The following SH3GL2 variants were observed in gnomAD, a reference collection of about 807,000 sequenced individuals.
SH3GL2 encodes SH3 domain containing GRB2 like 2, endophilin A1, also known as endophilin-A1.
In SH3GL2, 24 loss-of-function variants were observed where a neutral mutation model predicts 46.0. That is an observed-to-expected ratio of 0.52 (90% CI 0.38 to 0.73). The LOEUF (loss-of-function observed/expected upper bound fraction) is 0.73. Ranked by LOEUF, SH3GL2 falls within the 30% of genes least tolerant of loss-of-function variation. SH3GL2 has a pLI of 0.00. For synonymous variants in SH3GL2, 196 were observed against 147.1 expected, an observed-to-expected ratio of 1.33 and a Z score of -2.40; for missense variants, 413 against 424.2, an observed-to-expected ratio of 0.97 and a Z score of 0.23.
At chr9:17,643,239 G>A (rs987801916) in intron 1 of SH3GL2, among the ~76,000 whole-genome samples, 3 of 152,178 alleles carry the variant, frequency 2.0e-5, no homozygotes, top group African/African-American at 4.8e-5. Context: ...CATTGATTTT[G>A]TACCCTGAGA....
chr9:17,741,170 A>G (rs1365248312), intron 1 of SH3GL2, among the ~76,000 whole-genome samples: 1 of 152,154 alleles, frequency 6.6e-6, no homozygotes, highest in Non-Finnish European at 1.5e-5. Flanking sequence ...TGTTAATTAA[A>G]GTAATTCTGT....
intron 1 of SH3GL2, among the ~76,000 whole-genome samples, chr9:17,673,070 G>C (rs1199205326): frequency 6.6e-6 from 1 of 152,020 alleles, no homozygotes; most frequent in Non-Finnish European, 1.5e-5. Flanking sequence ...GCCATGGTCT[G>C]TCAATTCTGC....
chr9:17,778,296 G>C (rs1275062936), intron 3 of SH3GL2, among the ~76,000 whole-genome samples: 1 of 152,152 alleles, frequency 6.6e-6, no homozygotes, highest in Non-Finnish European at 1.5e-5. Flanking sequence ...ATGTATGAGT[G>C]AATGAGGCAG....
At chr9:17,658,367 C>T (rs1169160863) in intron 1 of SH3GL2, among the ~76,000 whole-genome samples, 2 of 152,114 alleles carry the variant, frequency 1.3e-5, no homozygotes, top group African/African-American at 4.8e-5. Context: ...TGATTTCTTC[C>T]AGGGACATAT....
In SH3GL2 at chr9:17,604,166, A is replaced by G. The variant is rs761895382; in HGVS notation, c.45+24879A>G. ...GAAAACTGGGTCTCAGAAGTGAGGTATTTACCCCCTCCTGCGTGGGCTTCT... is the reference window on the plus strand; with the variant it reads ...GAAAACTGGGTCTCAGAAGTGAGGTGTTTACCCCCTCCTGCGTGGGCTTCT... On this transcript the variant is annotated intron_variant, in intron 1 of 8. Transcript: ENST00000380607. Among the ~76,000 whole-genome samples the G allele has an allele frequency of 2.6e-4, 40 of 152,062 alleles. 2 individuals carry two copies. Among genetic ancestry groups the G allele is most frequent in the Admixed American group, 6.6e-5 (1 of 15,248 alleles).
chr9:17,631,038 T>C (rs1415292495), intron 1 of SH3GL2, among the ~76,000 whole-genome samples: 1 of 151,870 alleles, frequency 6.6e-6, no homozygotes, highest in Non-Finnish European at 1.5e-5. Flanking sequence ...TTTGATAGCA[T>C]TAAAAATGTC....
chr9:17,768,081 C>G (rs1823367709), intron 3 of SH3GL2, among the ~76,000 whole-genome samples: 1 of 152,074 alleles, frequency 6.6e-6, no homozygotes, highest in African/African-American at 2.4e-5. Context: ...TTAAAAGATT[C>G]TTAATCAGGG....
At chr9:17,722,422 C>G (rs910425116) in intron 1 of SH3GL2, among the ~76,000 whole-genome samples, 4 of 152,118 alleles carry the variant, frequency 2.6e-5, no homozygotes, top group Admixed American at 2.6e-4. Context: ...GGTGAACATT[C>G]ATTTACTGTT....
intron 1 of SH3GL2, among the ~76,000 whole-genome samples, chr9:17,730,865 G>T (rs936986376): frequency 3.9e-5 from 6 of 152,080 alleles, no homozygotes; most frequent in Admixed American, 3.9e-4. Flanking sequence ...AAATCTCACT[G>T]AAGATTTCAA....
At chr9:17,615,977 G>A (rs1486881372) in intron 1 of SH3GL2, among the ~76,000 whole-genome samples, 1 of 152,080 alleles carries the variant, frequency 6.6e-6, no homozygotes, top group East Asian at 1.9e-4. Flanking sequence ...TGTGCTCAAT[G>A]GCAGGACCCC....
chr9:17,699,425 C>T (rs1821290845), intron 1 of SH3GL2, among the ~76,000 whole-genome samples: 1 of 152,110 alleles, frequency 6.6e-6, no homozygotes, highest in Admixed American at 6.6e-5. Flanking sequence ...TCAATATCAC[C>T]CTCCAGGGAT....
chr9:17,580,910 A>G (rs1489155702), intron 1 of SH3GL2, among the ~76,000 whole-genome samples: 1 of 152,232 alleles, frequency 6.6e-6, no homozygotes, highest in African/African-American at 2.4e-5. Context: ...AAAGGCAATT[A>G]AGAGTCTTGG....
intron 1 of SH3GL2, among the ~76,000 whole-genome samples, chr9:17,721,014 A>G (rs1324603026): frequency 2.0e-5 from 3 of 152,178 alleles, no homozygotes; most frequent in African/African-American, 7.2e-5. Context: ...TAGACTGGTT[A>G]ACAAAACGAG....
intron 1 of SH3GL2, among the ~76,000 whole-genome samples, chr9:17,636,149 T>C (rs574328128): frequency 6.6e-6 from 1 of 152,238 alleles, no homozygotes; most frequent in African/African-American, 2.4e-5. Flanking sequence ...GGAATATTAA[T>C]GATGGAGTTT....
intron 1 of SH3GL2, among the ~76,000 whole-genome samples, chr9:17,588,096 G>T (rs1786574296): frequency 6.6e-6 from 1 of 152,122 alleles, no homozygotes; most frequent in South Asian, 2.1e-4. Context: ...GTACTTTGTT[G>T]CTCAAAGTCT....
At chr9:17,607,444 T>A (rs1818780919) in intron 1 of SH3GL2, among the ~76,000 whole-genome samples, 1 of 152,134 alleles carries the variant, frequency 6.6e-6, no homozygotes, top group South Asian at 2.1e-4. Flanking sequence ...GGAAGTTGCT[T>A]CTGGGTGAAT....
At chr9:17,579,345 G>T (rs1818230061) in intron 1 of SH3GL2, 58 bp downstream of exon 1, 2 of 1,266,482 alleles carry the variant, frequency 1.6e-6, no homozygotes, top group South Asian at 1.4e-5. Flanking sequence ...CGAGGGGCGC[G>T]CTCGGCGCTG....
intron 1 of SH3GL2, among the ~76,000 whole-genome samples, chr9:17,599,008 T>C (rs1818622922): frequency 1.3e-5 from 2 of 152,210 alleles, no homozygotes; most frequent in South Asian, 4.1e-4. Context: ...AAGTAGTACA[T>C]TGTGGTGATT....
chr9:17,793,549 G>T, intron 8 of SH3GL2, 52 bp downstream of exon 8: 2 of 1,573,822 alleles, frequency 1.3e-6, no homozygotes, highest in Non-Finnish European at 1.7e-6. Context: ...ATATCCATTG[G>T]CACTCTTCCA....
Sources: gnomAD v4.1 joint callset for allele counts (sites outside exome capture counted in the v4.1 genomes callset) on GRCh38, gnomAD v4.1.1 for gene constraint, MANE v1.5 for transcripts, NCBI Gene and HGNC (gene_info 2026-07-23, HGNC 2026-07-21) for gene names.